The following NEDD9 variants were observed in gnomAD, a reference collection of about 807,000 sequenced individuals.
The protein encoded by NEDD9 is neural precursor cell expressed, developmentally down-regulated 9, also known as enhancer of filamentation 1.
In NEDD9, 26 loss-of-function variants were observed where a neutral mutation model predicts 76.6. That is an observed-to-expected ratio of 0.34 (90% CI 0.25 to 0.47). NEDD9 has a LOEUF of 0.47. Among genes scored for constraint, NEDD9 ranks in the 20% least tolerant of loss-of-function variants. The probability of loss-of-function intolerance (pLI) is 1.00; values close to 1 mark genes in which losing one functional copy is unlikely to be tolerated. For missense variants in NEDD9, 937 were observed against 1,058.5 expected (o/e 0.89, Z 1.59); for synonymous variants, 392 against 414.2 (o/e 0.95, Z 0.65).
intron 3 of NEDD9, among the ~76,000 whole-genome samples, chr6:11,303,765 A>G (rs1761112562): frequency 6.6e-6 from 1 of 152,248 alleles, no homozygotes. Flanking sequence ...ATATGTAGAA[A>G]GCTGAAACTG....
intron 3 of NEDD9, among the ~76,000 whole-genome samples, chr6:11,287,984 G>A (rs1423435091): frequency 1.3e-5 from 2 of 152,198 alleles, no homozygotes; most frequent in Non-Finnish European, 2.9e-5. Flanking sequence ...GGGGTCCCGG[G>A]TACAGTTGAA....
chr6:11,235,813 G>A (rs753755237), upstream of NEDD9, among the ~76,000 whole-genome samples: 5 of 152,136 alleles, frequency 3.3e-5, no homozygotes, highest in East Asian at 1.9e-4. The surrounding 1 kb of genome is among the most constrained non-coding windows in gnomAD (Gnocchi z 4.1). Context: ...TGTGCTTAGC[G>A]TGGGGTACAC....
intron 3 of NEDD9, 40 bp from the exon 4 acceptor site, chr6:11,192,486 T>G: frequency 5.6e-6 from 8 of 1,439,118 alleles, no homozygotes; most frequent in Non-Finnish European, 7.8e-6. Context: ...TGGAAATGTC[T>G]TATACTTGGT....
In NEDD9 at chr6:11,241,743, A is replaced by C. The variant is rs911852552; in HGVS notation, c.13-28016T>G. Among the ~76,000 whole-genome samples the C allele has an allele frequency of 2.4e-4, 36 of 152,154 alleles. No homozygotes were observed. The highest frequency in any genetic ancestry group is 8.7e-4 in the African/African-American group (36 of 41,434). ...TCCCCCTTGTGCCTTAAAAGAGCCCAGCTGACCCAGCCCTCCAAGAAGGCC... is the reference window on the plus strand; with the variant it reads ...TCCCCCTTGTGCCTTAAAAGAGCCCCGCTGACCCAGCCCTCCAAGAAGGCC... On this transcript the variant is annotated intron_variant, in intron 3 of 3. Coordinates refer to the NEDD9 transcript ENST00000397378. The surrounding 1 kb of genome is among the most constrained non-coding windows in gnomAD (Gnocchi z 4.0).
chr6:11,210,133 G>A (rs888415686), intron 2 of NEDD9, among the ~76,000 whole-genome samples: 3 of 152,072 alleles, frequency 2.0e-5, no homozygotes, highest in African/African-American at 7.2e-5. Context: ...TCCCTTTACA[G>A]TGTTTCTCAA....
intron 1 of NEDD9, among the ~76,000 whole-genome samples, chr6:11,375,694 C>T (rs962360470): frequency 5.9e-5 from 9 of 152,204 alleles, no homozygotes; most frequent in African/African-American, 2.2e-4. Flanking sequence ...TTCTCTCTCT[C>T]TTGCCATGTC....
chr6:11,311,136 CGGCCT>C (rs70994504), intron 2 of NEDD9, among the ~76,000 whole-genome samples: 9,852 of 152,230 alleles, frequency 0.065, 491 homozygotes, highest in Non-Finnish European at 0.1. Flanking sequence ...TCAGCTCACA[CGGCCT>C]TCATCCAGGC....
rs149605028 is a variant in NEDD9 at position 11,229,340 on chromosome 6, T to C, written c.12+3164A>G. ...CCACAAAAGCGTCTCTGCTCAGCCA[T>C]TAGCAGCCAGGCCAAGGGGCCGCTG... On this transcript the variant is annotated intron_variant, in intron 1 of 6. Coordinates refer to ENST00000379446, the MANE Select transcript of NEDD9 (RefSeq NM_006403.4). 6.9e-3 allele frequency among the ~76,000 whole-genome samples: 1,051 copies of C among 152,306 alleles called. 12 individuals are homozygous for C. Among genetic ancestry groups the C allele is most frequent in the African/African-American group, 0.024 (993 of 41,558 alleles).
chr6:11,210,877 A>C (rs1037026538), intron 2 of NEDD9, among the ~76,000 whole-genome samples: 5 of 152,142 alleles, frequency 3.3e-5, no homozygotes, highest in African/African-American at 1.2e-4. Context: ...TCTGGGGTAC[A>C]TGGAGAGAGG....
At chr6:11,379,173 C>T (rs551425563) in intron 1 of NEDD9, among the ~76,000 whole-genome samples, 13 of 152,356 alleles carry the variant, frequency 8.5e-5, no homozygotes, top group African/African-American at 3.1e-4. Flanking sequence ...CAGCCATGCC[C>T]TTGAGGAGCC....
chr6:11,266,001 G>A (rs1407212461), intron 3 of NEDD9, among the ~76,000 whole-genome samples: 2 of 149,808 alleles, frequency 1.3e-5, no homozygotes, highest in East Asian at 2.0e-4. Flanking sequence ...CATGGACATA[G>A]AGAGTAGAAT....
intron 2 of NEDD9, among the ~76,000 whole-genome samples, chr6:11,330,612 CAA>C (rs1762015443): frequency 6.6e-6 from 1 of 152,120 alleles, no homozygotes; most frequent in Non-Finnish European, 1.5e-5. Context: ...AAACCAGAGC[CAA>C]AGAGTGCCAG....
chr6:11,234,784 C>T (rs865968867), upstream of NEDD9, among the ~76,000 whole-genome samples: 4 of 149,526 alleles, frequency 2.7e-5, no homozygotes, highest in Admixed American at 6.7e-5. Context: ...GGTGCAATAT[C>T]GGCTCACTGC....
intron 3 of NEDD9, among the ~76,000 whole-genome samples, chr6:11,247,632 T>C (rs1241048580): frequency 6.6e-6 from 1 of 152,180 alleles, no homozygotes; most frequent in East Asian, 1.9e-4. Context: ...TGGCAAATAC[T>C]CATCTCATTT....
chr6:11,193,393 A>G (rs1756865809), intron 3 of NEDD9, among the ~76,000 whole-genome samples, 198 bp downstream of exon 3: 1 of 152,180 alleles, frequency 6.6e-6, no homozygotes, highest in Non-Finnish European at 1.5e-5. Flanking sequence ...GTGAAATACT[A>G]GGATTTCCTG....
chr6:11,210,009 C>T (rs1297251569), intron 2 of NEDD9, among the ~76,000 whole-genome samples: 1 of 131,636 alleles, frequency 7.6e-6, no homozygotes, highest in African/African-American at 2.8e-5. Flanking sequence ...TAGAAAAAAG[C>T]AGTGCTGGGT....
chr6:11,264,740 A>G (rs1358146598), intron 3 of NEDD9, among the ~76,000 whole-genome samples: 2 of 152,254 alleles, frequency 1.3e-5, no homozygotes, highest in African/African-American at 2.4e-5. Flanking sequence ...CTGGTAAGAG[A>G]AGAAAAGAGG....
At chr6:11,253,230 T>C (rs1759944142) in intron 3 of NEDD9, among the ~76,000 whole-genome samples, 1 of 152,156 alleles carries the variant, frequency 6.6e-6, no homozygotes, top group South Asian at 2.1e-4. Flanking sequence ...CCCATGTTGA[T>C]AAAAAAGAGA....
intron 3 of NEDD9, among the ~76,000 whole-genome samples, chr6:11,240,568 A>C (rs977578466): frequency 1.3e-5 from 2 of 152,124 alleles, no homozygotes; most frequent in African/African-American, 2.4e-5. Context: ...TAATATCTTA[A>C]CTTGATGTTT....
Sources: gnomAD v4.1 joint callset for allele counts (sites outside exome capture counted in the v4.1 genomes callset) on GRCh38, gnomAD v4.1.1 for gene constraint, Gnocchi (gnomAD v3.1) non-coding constraint, MANE v1.5 for transcripts, NCBI Gene and HGNC (gene_info 2026-07-23, HGNC 2026-07-21) for gene names.